The following SDAD1 variants were observed in gnomAD, a reference collection of about 807,000 sequenced individuals.
SDAD1 encodes protein SDA1 homolog.
A neutral mutation model predicts 100.3 loss-of-function variants in SDAD1; 79 were observed. The observed-to-expected ratio is 0.79, with a 90% confidence interval of 0.66 to 0.95. The LOEUF (loss-of-function observed/expected upper bound fraction) is 0.95, where lower values mean the gene tolerates loss of function less well. Among genes scored for constraint, SDAD1 ranks in the 40% least tolerant of loss-of-function variants. The pLI is 0.00. For missense variants in SDAD1, 790 were observed against 810.9 expected (o/e 0.97, Z 0.31); for synonymous variants, 267 against 271.4 (o/e 0.98, Z 0.16).
At chr4:75,969,235 C>T in intron 11 of SDAD1, 61 bp downstream of exon 11, 1 of 1,384,946 alleles carries the variant, frequency 7.2e-7, no homozygotes, top group Non-Finnish European at 1.0e-6. Flanking sequence ...AATGGCTTTT[C>T]TTTTACCATG....
intron 9 of SDAD1, among the ~76,000 whole-genome samples, chr4:75,970,817 A>G (rs139908418): frequency 6.6e-6 from 1 of 152,270 alleles, no homozygotes; most frequent in East Asian, 1.9e-4. Context: ...GATCTCCTGT[A>G]GTGCTCTCTC....
At chr4:75,959,942 G>T in intron 17 of SDAD1, 124 bp downstream of exon 17, 1 of 1,003,028 alleles carries the variant, frequency 1.0e-6, no homozygotes, top group Non-Finnish European at 1.4e-6. Context: ...CTAACAGTGC[G>T]TGGCACATAG....
intron 20 of SDAD1, among the ~76,000 whole-genome samples, chr4:75,956,443 T>A (rs1448239886): frequency 1.4e-5 from 2 of 142,366 alleles, no homozygotes; most frequent in Non-Finnish European, 3.0e-5. Context: ...GCATTCATGG[T>A]AAGGGAAAGG....
intron 1 of SDAD1, among the ~76,000 whole-genome samples, chr4:75,989,443 T>C (rs1229633562): frequency 6.6e-6 from 1 of 152,170 alleles, no homozygotes; most frequent in Non-Finnish European, 1.5e-5. Flanking sequence ...TGCTTTCTTA[T>C]CTGTCTTATT....
intron 21 of SDAD1, among the ~76,000 whole-genome samples, chr4:75,953,067 A>G (rs1728701693): frequency 6.6e-6 from 1 of 152,210 alleles, no homozygotes; most frequent in African/African-American, 2.4e-5. Flanking sequence ...TCTTGAAGAA[A>G]ATACAGGGCA....
intron 21 of SDAD1, among the ~76,000 whole-genome samples, chr4:75,951,395 A>G (rs58063499): frequency 0.011 from 1,608 of 152,336 alleles, 29 homozygotes; most frequent in African/African-American, 0.037. Context: ...TAATGGCTCA[A>G]ACATGAAGAT....
At chr4:75,962,221 C>T (rs1407314222) in intron 14 of SDAD1, among the ~76,000 whole-genome samples, 2 of 152,216 alleles carry the variant, frequency 1.3e-5, no homozygotes, top group Non-Finnish European at 1.5e-5. Flanking sequence ...CTGCAAAGGA[C>T]ATGAACTCAT....
Position 75,981,488 on chromosome 4 carries a change from C to G in SDAD1, c.196-18G>C. The G allele has an allele frequency of 6.2e-7, 1 of 1,613,506 alleles. No individual in the cohort carries two copies. The highest frequency in any genetic ancestry group is 8.5e-7 in the Non-Finnish European group (1 of 1,179,776). ...TGACTAATCTGTAACAAAGCAAAGG[C>G]TCTTCTGAAGTTGCTCTCTTTCTCT... On this transcript the variant is annotated intron_variant, in intron 2 of 21. Coordinates refer to ENST00000356260, the MANE Select transcript of SDAD1 (RefSeq NM_018115.4).
chr4:75,964,043 T>C (rs1729397254), intron 14 of SDAD1, 92 bp downstream of exon 14: 1 of 815,092 alleles, frequency 1.2e-6, no homozygotes, highest in Non-Finnish European at 2.1e-6. Context: ...ATAGAGGTGA[T>C]ACTACCAGCT....
intron 3 of SDAD1, among the ~76,000 whole-genome samples, chr4:75,980,231 G>C (rs1730420664): frequency 6.6e-6 from 1 of 152,146 alleles, no homozygotes; most frequent in African/African-American, 2.4e-5. Flanking sequence ...TACCAGCTGA[G>C]TATCAATCAG....
intron 11 of SDAD1, among the ~76,000 whole-genome samples, chr4:75,967,810 G>GTGGAAGGAGTTGGGTCCAACCACA (rs1212233464): frequency 1.0e-5 from 1 of 96,436 alleles, no homozygotes; most frequent in African/African-American, 3.0e-5. Flanking sequence ...GTCCAACCAC[G>GTGGAAGGAGTTGGGTCCAACCACA]TGGAAGGAGT....
chr4:75,962,367 A>G (rs762805940), intron 14 of SDAD1, among the ~76,000 whole-genome samples: 7 of 152,216 alleles, frequency 4.6e-5, no homozygotes, highest in Non-Finnish European at 7.3e-5. Flanking sequence ...ATATGTGTGC[A>G]TGTGTCTTTA....
At chr4:75,959,327 G>A (rs1362234246) in intron 17 of SDAD1, among the ~76,000 whole-genome samples, 1 of 151,990 alleles carries the variant, frequency 6.6e-6, no homozygotes, top group Non-Finnish European at 1.5e-5. Flanking sequence ...AAATAGGCTG[G>A]GTGCACTGGC....
At chr4:75,981,643 G>A (rs1730522261) in intron 2 of SDAD1, 173 bp from the exon 3 acceptor site, 1 of 1,113,248 alleles carries the variant, frequency 9.0e-7, no homozygotes, top group Non-Finnish European at 1.3e-6. Context: ...CATTTATCAT[G>A]GTTTCTCTAG....
chr4:75,957,095 G>A (rs1728939015), intron 20 of SDAD1, among the ~76,000 whole-genome samples: 1 of 151,890 alleles, frequency 6.6e-6, no homozygotes, highest in Admixed American at 6.5e-5. Context: ...GGGTGACAGA[G>A]AGAGACTGTC....
intron 10 of SDAD1, 45 bp downstream of exon 10, chr4:75,970,264 G>A: frequency 6.8e-7 from 1 of 1,479,738 alleles, no homozygotes; most frequent in Non-Finnish European, 9.4e-7. Context: ...AATAAAATAG[G>A]CAGAGATAAG....
intron 3 of SDAD1, among the ~76,000 whole-genome samples, chr4:75,978,522 C>T (rs1730288328): frequency 6.6e-6 from 1 of 152,002 alleles, no homozygotes; most frequent in South Asian, 2.1e-4. Context: ...CTCTTGCTTA[C>T]CACCAACTCT....
chr4:75,965,907 G>C (rs543232562), intron 12 of SDAD1, 85 bp from the exon 13 acceptor site: 1 of 1,088,714 alleles, frequency 9.2e-7, no homozygotes, highest in African/African-American at 1.6e-5. Context: ...AGCTCATTCT[G>C]GTCTAAATGG....
intron 6 of SDAD1, 48 bp from the exon 7 acceptor site, chr4:75,974,181 A>G (rs369632597): frequency 8.5e-5 from 123 of 1,447,766 alleles, no homozygotes; most frequent in Non-Finnish European, 1.1e-4. Flanking sequence ...ATTCTACTGT[A>G]TTTCATAGCA....
Sources: gnomAD v4.1 joint callset for allele counts (sites outside exome capture counted in the v4.1 genomes callset) on GRCh38, gnomAD v4.1.1 for gene constraint, MANE v1.5 for transcripts, NCBI Gene and HGNC (gene_info 2026-07-23, HGNC 2026-07-21) for gene names.